The following TSGA10 variants were observed in gnomAD, a reference collection of about 807,000 sequenced individuals.
The protein encoded by TSGA10 is testis-specific gene 10 protein.
Under a neutral mutation model 96.6 loss-of-function variants are expected in TSGA10, and 43 were observed. That is an observed-to-expected ratio of 0.44 (90% CI 0.35 to 0.57). TSGA10 has a LOEUF of 0.57. Among genes scored for constraint, TSGA10 ranks in the 20% least tolerant of loss-of-function variants. The pLI is 0.01. For missense variants in TSGA10, 703 were observed against 834.4 expected (o/e 0.84, Z 1.94); for synonymous variants, 229 against 269.9 (o/e 0.85, Z 1.48).
At chr2:99,017,876 G>T (rs1252116377) in intron 20 of TSGA10, among the ~76,000 whole-genome samples, 1 of 152,016 alleles carries the variant, frequency 6.6e-6, no homozygotes, top group Non-Finnish European at 1.5e-5. Flanking sequence ...CACTGTTTGG[G>T]TGTTGGATGC....
chr2:99,086,408 G>A lies in TSGA10; in HGVS notation c.612-5011C>T, dbSNP rs913524043. The stretch of plus-strand genomic sequence containing the variant: ...ACTATGACCAAGTGGGGTTTACCCA[G>A]GCATGCCAGGTTGGTTTACAATTTG... On this transcript the variant is annotated intron_variant, in intron 10 of 20. Transcript: ENST00000393483. 4.6e-5 allele frequency among the ~76,000 whole-genome samples: 7 copies of A among 152,256 alleles called. No individual in the cohort carries two copies. The East Asian group carries it at 1.3e-3, about 29-fold the overall frequency.
chr2:99,028,786 C>T (rs1426108543), intron 17 of TSGA10, among the ~76,000 whole-genome samples: 1 of 152,116 alleles, frequency 6.6e-6, no homozygotes, highest in East Asian at 1.9e-4. Flanking sequence ...CTATTGTTTC[C>T]ATTTTTGTTT....
intron 20 of TSGA10, among the ~76,000 whole-genome samples, chr2:99,010,334 G>A (rs906245763): frequency 4.6e-5 from 7 of 152,134 alleles, no homozygotes; most frequent in Admixed American, 1.3e-4. Flanking sequence ...AATATACCAG[G>A]AAAACCAAAA....
intron 16 of TSGA10, among the ~76,000 whole-genome samples, chr2:99,045,754 G>A (rs1293096795): frequency 1.3e-5 from 2 of 152,146 alleles, no homozygotes; most frequent in Non-Finnish European, 2.9e-5. Flanking sequence ...AAATGTAAAT[G>A]GGCTAAATGC....
chr2:99,039,232 C>A (rs569389563), intron 16 of TSGA10, among the ~76,000 whole-genome samples: 1 of 147,508 alleles, frequency 6.8e-6, no homozygotes, highest in African/African-American at 2.5e-5. Flanking sequence ...ACTAGAGAAA[C>A]AAGAACAAAC....
intron 16 of TSGA10, among the ~76,000 whole-genome samples, chr2:99,045,820 C>T (rs1057175948): frequency 6.6e-6 from 1 of 152,160 alleles, no homozygotes; most frequent in African/African-American, 2.4e-5. Flanking sequence ...CATCAGTGTG[C>T]TGTATGCAGG....
intron 14 of TSGA10, among the ~76,000 whole-genome samples, chr2:99,069,832 G>A (rs2085715927): frequency 6.6e-6 from 1 of 151,778 alleles, no homozygotes; most frequent in Admixed American, 6.6e-5. Flanking sequence ...ACCACATAAT[G>A]GAATATTACA....
intron 2 of TSGA10, among the ~76,000 whole-genome samples, chr2:99,123,095 C>T (rs1381693596): frequency 6.6e-6 from 1 of 152,068 alleles, no homozygotes; most frequent in African/African-American, 2.4e-5. Context: ...TCCTTCTTAC[C>T]TCCAGTTTTT....
At chr2:99,009,829 T>C (rs914758296) in intron 20 of TSGA10, among the ~76,000 whole-genome samples, 3 of 152,184 alleles carry the variant, frequency 2.0e-5, no homozygotes, top group Non-Finnish European at 4.4e-5. Flanking sequence ...AATGAGCCTC[T>C]GTGAGTGTGT....
chr2:99,009,891 C>G (rs1258492854), intron 20 of TSGA10, among the ~76,000 whole-genome samples: 2 of 152,004 alleles, frequency 1.3e-5, no homozygotes, highest in African/African-American at 4.8e-5. Context: ...AGCACATGAG[C>G]CACCACATGT....
At chr2:99,047,734 G>A (rs2082945804) in intron 16 of TSGA10, among the ~76,000 whole-genome samples, 1 of 152,168 alleles carries the variant, frequency 6.6e-6, no homozygotes, top group African/African-American at 2.4e-5. Flanking sequence ...AATCAGGCAG[G>A]AGAAAGAAAT....
intron 10 of TSGA10, chr2:99,102,030 A>T (rs1296699698): frequency 2.9e-6 from 4 of 1,384,824 alleles, no homozygotes; most frequent in Non-Finnish European, 4.1e-6. Flanking sequence ...AGAATTAAAG[A>T]AGTACAGCCA....
intron 7 of TSGA10, 32 bp downstream of exon 7, chr2:99,108,801 T>C: frequency 6.9e-7 from 1 of 1,452,762 alleles, no homozygotes. Flanking sequence ...CTCAATGTTA[T>C]TACTTATATA....
intron 19 of TSGA10, 57 bp from the exon 20 acceptor site, chr2:99,018,406 C>T: frequency 6.3e-7 from 1 of 1,595,602 alleles, no homozygotes; most frequent in Non-Finnish European, 8.6e-7. Context: ...TTAAAACTAT[C>T]ATAAAACTAG....
Position 99,109,266 on chromosome 2 carries a change from C to A in TSGA10, c.51+123G>T. On this transcript the variant is annotated intron_variant, in intron 6 of 20. Coordinates refer to ENST00000393483, the MANE Select transcript of TSGA10 (RefSeq NM_025244.4). The stretch of plus-strand genomic sequence containing the variant: ...CATCAAAGAGACCTCTGTCTCTCAA[C>A]CCCTTTGAAACAGCAATTCACAGCA... 5 of 1,063,676 alleles carry A rather than the reference C, an allele frequency of 4.7e-6. No individual in the cohort carries two copies. The South Asian group carries it at 6.8e-5, about 15-fold the overall frequency. The allele number at this position is 1,063,676 out of a possible 1,614,324, so 65.9% of individuals were successfully genotyped here. A position where few individuals can be genotyped will look rare whatever the true frequency, so the allele number is the denominator to read the frequency against.
At chr2:99,002,560 A>G (rs61229427) in intron 20 of TSGA10, among the ~76,000 whole-genome samples, 2 of 152,134 alleles carry the variant, frequency 1.3e-5, no homozygotes, top group African/African-American at 2.4e-5. Flanking sequence ...ATCGAGGCTA[A>G]GAAGAAACTA....
chr2:99,127,258 AT>A, intron 1 of TSGA10, 82 bp from the exon 2 acceptor site: 5 of 1,048,394 alleles, frequency 4.8e-6, no homozygotes, highest in Non-Finnish European at 6.0e-6. Flanking sequence ...CATTTTGAAA[AT>A]TGATAATATT....
chr2:99,080,180 C>CT (rs1292582391), intron 11 of TSGA10, among the ~76,000 whole-genome samples: 1 of 152,180 alleles, frequency 6.6e-6, no homozygotes, highest in African/African-American at 2.4e-5. Context: ...TCAACCCACT[C>CT]TATCTTCTAC....
At chr2:99,047,389 C>A (rs2082900875) in intron 16 of TSGA10, among the ~76,000 whole-genome samples, 1 of 152,182 alleles carries the variant, frequency 6.6e-6, no homozygotes, top group Admixed American at 6.5e-5. Flanking sequence ...ATCAAGCGGG[C>A]TTCATCCCTG....
Sources: allele counts gnomAD v4.1 joint callset (sites outside exome capture counted in the v4.1 genomes callset), GRCh38; gene constraint gnomAD v4.1.1; transcripts MANE v1.5; gene names NCBI Gene and HGNC (gene_info 2026-07-23, HGNC 2026-07-21).